The following LRRIQ1 variants were observed in gnomAD, a reference collection of about 807,000 sequenced individuals.
LRRIQ1 encodes the protein leucine-rich repeat- and IQ domain-containing protein 1.
Under a neutral mutation model 211.9 loss-of-function variants are expected in LRRIQ1, and 210 were observed. The observed-to-expected ratio is 0.99, with a 90% CI of 0.89 to 1.11. The LOEUF is 1.11. Among genes scored for constraint, LRRIQ1 ranks in the 50% most tolerant of loss-of-function variants. The pLI, the probability that LRRIQ1 is intolerant of heterozygous loss-of-function variation, is 0.00. For missense variants in LRRIQ1, 2,136 were observed against 1,939.5 expected, an observed-to-expected ratio of 1.10 and a Z score of -1.90; for synonymous variants, 699 against 650.1, an observed-to-expected ratio of 1.08 and a Z score of -1.14.
chr12:85,185,114 A>C (rs1892164969), intron 24 of LRRIQ1, among the ~76,000 whole-genome samples: 1 of 151,968 alleles, frequency 6.6e-6, no homozygotes, highest in African/African-American at 2.4e-5. Context: ...GTTATCTCAG[A>C]TACTGTTTTA....
At chr12:85,166,813 A>T (rs1311933856) in intron 24 of LRRIQ1, among the ~76,000 whole-genome samples, 1 of 152,220 alleles carries the variant, frequency 6.6e-6, no homozygotes, top group African/African-American at 2.4e-5. Flanking sequence ...ATTATCATGG[A>T]TGCAAAGATT....
intron 18 of LRRIQ1, among the ~76,000 whole-genome samples, chr12:85,132,780 TAAATA>T (rs533419757): frequency 1.3e-5 from 2 of 150,812 alleles, no homozygotes; most frequent in Non-Finnish European, 3.0e-5. Context: ...AAAAAATAAA[TAAATA>T]AAATAAAATA....
chr12:85,197,499 T>C (rs1382327513), intron 24 of LRRIQ1, among the ~76,000 whole-genome samples: 1 of 150,384 alleles, frequency 6.6e-6, no homozygotes, highest in African/African-American at 2.4e-5. Context: ...TATGCAGCCA[T>C]AAAAAATGAT....
At chr12:85,211,468 C>T (rs1437439891) in intron 24 of LRRIQ1, among the ~76,000 whole-genome samples, 3 of 152,050 alleles carry the variant, frequency 2.0e-5, no homozygotes, top group Non-Finnish European at 2.9e-5. Flanking sequence ...TTTTGGGATA[C>T]GTGTTATGTA....
intron 24 of LRRIQ1, among the ~76,000 whole-genome samples, chr12:85,193,123 A>G (rs1892691544): frequency 7.9e-6 from 1 of 126,434 alleles, no homozygotes; most frequent in Non-Finnish European, 1.6e-5. Context: ...GTATATAATT[A>G]TATATATTTT....
At position 85,127,962 on chromosome 12, in the gene LRRIQ1, T is replaced by G; in HGVS notation, c.4138T>G (p.Leu1380Val). The G allele has an allele frequency of 6.2e-7, 1 of 1,613,752 alleles. No homozygotes were observed. The highest frequency in any genetic ancestry group is 8.5e-7 in the Non-Finnish European group (1 of 1,179,734). Reference protein sequence around the residue: ...PNSSIKNQTILKKGKRENIVN... With the variant: ...PNSSIKNQTIVKKGKRENIVN... ...TTCTTCCATCAAGAATCAGACTATTTTAAAGAAAGGAAAAAGAGAAAATAT... is the reference window on the plus strand; with the variant it reads ...TTCTTCCATCAAGAATCAGACTATTGTAAAGAAAGGAAAAAGAGAAAATAT... The change falls in exon 18 of 27, where the codon TTA (leucine) becomes GTA (valine). Residue 1380 changes from leucine to valine, a missense_variant. Transcript: ENST00000393217.
chr12:85,229,760 C>A, intron 25 of LRRIQ1, 111 bp downstream of exon 25: 1 of 1,031,102 alleles, frequency 9.7e-7, no homozygotes, highest in Non-Finnish European at 1.4e-6. Flanking sequence ...AAGGCCAATA[C>A]GCTACGTTGC....
chr12:85,267,038 C>G (rs926348649), downstream of LRRIQ1, among the ~76,000 whole-genome samples: 3 of 152,048 alleles, frequency 2.0e-5, no homozygotes, highest in Non-Finnish European at 4.4e-5. Flanking sequence ...TTGTGGAGGC[C>G]TGAATGCAGC....
intron 24 of LRRIQ1, among the ~76,000 whole-genome samples, chr12:85,168,341 T>C (rs949207136): frequency 6.6e-6 from 1 of 152,130 alleles, no homozygotes; most frequent in Non-Finnish European, 1.5e-5. Flanking sequence ...CTTACCTCCA[T>C]CATGAAGTAG....
chr12:85,139,171 G>A (rs1165111322), intron 19 of LRRIQ1, among the ~76,000 whole-genome samples: 1 of 151,388 alleles, frequency 6.6e-6, no homozygotes, highest in Non-Finnish European at 1.5e-5. Context: ...GGTTCTAGAG[G>A]CTGCATAGAT....
rs1427661277 is a variant in LRRIQ1, at chr12:85,244,778, A to G, written c.5017-11A>G. Reference sequence around the variant, plus strand: ...TTCATGATTGTATACATTCTCTTCCATTGCTCCCAGGCAAGACTTGTAAGC... The same window carrying G: ...TTCATGATTGTATACATTCTCTTCCGTTGCTCCCAGGCAAGACTTGTAAGC... On this transcript the variant is annotated splice_polypyrimidine_tract_variant and intron_variant, in intron 26 of 26. Coordinates refer to ENST00000393217, the MANE Select transcript of LRRIQ1 (RefSeq NM_001079910.2). 6.2e-7 allele frequency: 1 copy of G among 1,609,732 alleles called. No homozygotes were observed. The highest frequency in any genetic ancestry group is 1.1e-5 in the South Asian group (1 of 90,898).
chr12:85,038,343 T>C, intron 2 of LRRIQ1, 35 bp downstream of exon 2: 3 of 1,399,488 alleles, frequency 2.1e-6, no homozygotes, highest in Non-Finnish European at 2.8e-6. Flanking sequence ...TTAACAGGAG[T>C]AGGCTTTTCA....
chr12:85,190,508 G>T (rs2136935040), intron 24 of LRRIQ1, among the ~76,000 whole-genome samples: 1 of 147,422 alleles, frequency 6.8e-6, no homozygotes, highest in African/African-American at 2.5e-5. Flanking sequence ...ATAGTTATGT[G>T]CATTAATATA....
At chr12:85,109,935 A>G (rs1887053713) in intron 15 of LRRIQ1, among the ~76,000 whole-genome samples, 1 of 152,064 alleles carries the variant, frequency 6.6e-6, no homozygotes, top group South Asian at 2.1e-4. Flanking sequence ...TAGCTGGGAC[A>G]AGAGGTGTAT....
chr12:85,195,478 G>T (rs976663912), intron 24 of LRRIQ1, among the ~76,000 whole-genome samples: 8 of 151,908 alleles, frequency 5.3e-5, no homozygotes, highest in Non-Finnish European at 5.9e-5. Context: ...TATCCACCAT[G>T]ATCAAGTGGG....
chr12:85,098,823 A>C, intron 12 of LRRIQ1, 44 bp from the exon 13 acceptor site: 2 of 1,383,080 alleles, frequency 1.4e-6, no homozygotes, highest in Non-Finnish European at 2.0e-6. Context: ...TAAATGATAA[A>C]ATATTTTGCT....
intron 15 of LRRIQ1, among the ~76,000 whole-genome samples, chr12:85,120,785 A>G (rs764437463): frequency 3.3e-5 from 5 of 152,118 alleles, no homozygotes; most frequent in Non-Finnish European, 7.4e-5. Context: ...GAAGGAGTTC[A>G]CTTTTCCCCT....
At chr12:85,109,046 C>T (rs867783682) in intron 15 of LRRIQ1, among the ~76,000 whole-genome samples, 20 of 152,230 alleles carry the variant, frequency 1.3e-4, no homozygotes, top group Middle Eastern at 6.8e-3. Flanking sequence ...GATTTGGTTT[C>T]TCTGCAAGGT....
At chr12:85,250,229 A>G (rs1224256464) in intron 1 of LRRIQ1, among the ~76,000 whole-genome samples, 1 of 151,908 alleles carries the variant, frequency 6.6e-6, no homozygotes, top group Non-Finnish European at 1.5e-5. Flanking sequence ...ACCGACAAAG[A>G]AGCAGGGTAG....
Sources: gnomAD v4.1 joint callset for allele counts (sites outside exome capture counted in the v4.1 genomes callset) on GRCh38, gnomAD v4.1.1 for gene constraint, MANE v1.5 for transcripts, NCBI Gene and HGNC (gene_info 2026-07-23, HGNC 2026-07-21) for gene names.